ITGAL: variants seen among roughly 807,000 people sequenced by gnomAD.
The protein encoded by ITGAL is integrin subunit alpha L, also known as integrin alpha-L.
Under a neutral mutation model 138.4 loss-of-function variants are expected in ITGAL, and 68 were observed. The observed-to-expected ratio is 0.49, with a 90% CI of 0.40 to 0.60. The LOEUF (loss-of-function observed/expected upper bound fraction) is 0.60. Among genes scored for constraint, ITGAL ranks in the 20% least tolerant of loss-of-function variants. The pLI is 0.00. For missense variants in ITGAL, 1,256 were observed against 1,478.6 expected, an observed-to-expected ratio of 0.85 and a Z score of 2.47; for synonymous variants, 561 against 584.3, an observed-to-expected ratio of 0.96 and a Z score of 0.57.
chr16:30,488,208 A>G (rs879061351), intron 9 of ITGAL, among the ~76,000 whole-genome samples: 2 of 151,328 alleles, frequency 1.3e-5, no homozygotes, highest in East Asian at 3.9e-4. Context: ...AAAAAAAAAA[A>G]GAAAAAGGGT....
chr16:30,518,226 T>A (rs1019335330), intron 28 of ITGAL, among the ~76,000 whole-genome samples: 1 of 151,906 alleles, frequency 6.6e-6, no homozygotes, highest in Non-Finnish European at 1.5e-5. Context: ...GGTGGGTGGA[T>A]CACTTGAGGT....
Position 30,481,484 on chromosome 16 carries a change from T to G in ITGAL, c.622T>G (p.Phe208Val). The G allele has an allele frequency of 2.5e-6, 4 of 1,612,558 alleles. No individual in the cohort carries two copies. Among genetic ancestry groups the G allele is most frequent in the Non-Finnish European group, 3.4e-6 (4 of 1,178,930 alleles). The change falls in exon 7 of 31, where the codon TTC (phenylalanine) becomes GTC (valine). Residue 208 changes from phenylalanine to valine, a missense_variant. Around this residue, in one of 3 missense-constraint regions of ITGAL, gnomAD observed 177 missense variants for 288.8 expected, o/e 0.61. Coordinates refer to ENST00000356798, the MANE Select transcript of ITGAL (RefSeq NM_002209.3). ...FSTSYKTEFD[F>V]SDYVKRKDPD... ...CACAAGCTACAAAACAGAATTTGAT[T>G]TCTCAGATTATGTTAAACGGAAGGA...
chr16:30,488,562 G>A (rs948120656), intron 9 of ITGAL, among the ~76,000 whole-genome samples: 1 of 151,772 alleles, frequency 6.6e-6, no homozygotes, highest in African/African-American at 2.4e-5. Context: ...AAAATTAGCT[G>A]GGCATGGTGG....
intron 9 of ITGAL, among the ~76,000 whole-genome samples, chr16:30,485,610 G>A (rs1013616174): frequency 6.6e-6 from 1 of 151,540 alleles, no homozygotes; most frequent in African/African-American, 2.4e-5. Flanking sequence ...CTGCAGCCTT[G>A]ACCTTCCAGG....
chr16:30,518,557 G>C (rs770857047), intron 28 of ITGAL, 67 bp from the exon 29 acceptor site: 22 of 1,084,210 alleles, frequency 2.0e-5, no homozygotes, highest in African/African-American at 3.1e-5. Context: ...GTGTTGTGGT[G>C]GGGGCAAAAG....
At chr16:30,502,742 C>A (rs1244527900) in intron 17 of ITGAL, among the ~76,000 whole-genome samples, 4 of 149,664 alleles carry the variant, frequency 2.7e-5, no homozygotes, top group African/African-American at 9.9e-5. Context: ...TAGTGAAACT[C>A]CATCTCAAAA....
chr16:30,506,599 G>C, intron 20 of ITGAL, 116 bp from the exon 21 acceptor site: 2 of 313,158 alleles, frequency 6.4e-6, no homozygotes, highest in South Asian at 2.8e-5. Flanking sequence ...AAAAAAGACT[G>C]AGCATAAAAG....
chr16:30,519,027 C>T (rs2051213076), intron 29 of ITGAL, among the ~76,000 whole-genome samples: 2 of 152,104 alleles, frequency 1.3e-5, no homozygotes, highest in Non-Finnish European at 2.9e-5. Flanking sequence ...AGTTCAAGAC[C>T]AGCCTGGCCA....
chr16:30,479,497 A>G (rs2050522871), intron 6 of ITGAL, 36 bp downstream of exon 6: 2 of 1,598,530 alleles, frequency 1.3e-6, no homozygotes, highest in Non-Finnish European at 1.7e-6. Flanking sequence ...GTTGCATGCA[A>G]TAGATGCCTA....
At chr16:30,515,166 A>C (rs2151205523) in intron 25 of ITGAL, among the ~76,000 whole-genome samples, 1 of 152,200 alleles carries the variant, frequency 6.6e-6, no homozygotes, top group Non-Finnish European at 1.5e-5. Context: ...GTCTTCCCCT[A>C]AGCCAGCATC....
intron 2 of ITGAL, 167 bp from the exon 3 acceptor site, chr16:30,475,139 G>A (rs533806675): frequency 2.4e-4 from 137 of 575,166 alleles, no homozygotes; most frequent in Middle Eastern, 5.0e-4. Flanking sequence ...GGCCTCATGC[G>A]AAAGTTACAG....
intron 25 of ITGAL, among the ~76,000 whole-genome samples, chr16:30,515,101 A>G (rs1244637268): frequency 1.3e-5 from 2 of 152,154 alleles, no homozygotes; most frequent in Admixed American, 6.5e-5. Context: ...CTGAGATTAC[A>G]GGCGTGAGCC....
chr16:30,475,206 C>T, intron 2 of ITGAL, 100 bp from the exon 3 acceptor site: 1 of 880,358 alleles, frequency 1.1e-6, no homozygotes, highest in Non-Finnish European at 1.8e-6. Context: ...GGCTGCAGTG[C>T]TTGGAGAAAT....
chr16:30,481,550 T>C lies in ITGAL; in HGVS notation c.688T>C (p.Leu230=). The change falls in exon 7 of 31, where the codon TTG becomes CTG. Residue 230 remains leucine (L), a synonymous_variant. Coordinates refer to ENST00000356798, the MANE Select transcript of ITGAL (RefSeq NM_002209.3). ...GAAGCATGTAAAGCACATGTTGCTG[T>C]TGACCAATACCTTTGGTGCCATCAA... ...LLKHVKHMLL[L]TNTFGAINYV... is the part of the protein sequence containing the mutation. The C allele has an allele frequency of 6.2e-7, 1 of 1,613,792 alleles. No homozygotes were observed. Among genetic ancestry groups the C allele is most frequent in the Non-Finnish European group, 8.5e-7 (1 of 1,179,898 alleles).
At chr16:30,499,739 T>A (rs1383114660) in intron 17 of ITGAL, among the ~76,000 whole-genome samples, 16 of 42,530 alleles carry the variant, frequency 3.8e-4, no homozygotes, top group Non-Finnish European at 5.7e-4. Flanking sequence ...ATATATTTTT[T>A]TTTTTTTGAC....
rs2051079217 is a variant in ITGAL at position 30,510,874 on chromosome 16, C to T, written c.2620-7C>T. The T allele has an allele frequency of 1.2e-6, 2 of 1,613,408 alleles. No individual in the cohort carries two copies. Among genetic ancestry groups the T allele is most frequent in the South Asian group, 1.1e-5 (1 of 91,076 alleles). ...TCCATTTCCATTGCCCTCTCCTTTC[C>T]TGCCAGGTTGCTCTGCAGATGATGT... On this transcript the variant is annotated splice_polypyrimidine_tract_variant and splice_region_variant and intron_variant, in intron 22 of 30. Coordinates refer to ENST00000356798, the MANE Select transcript of ITGAL (RefSeq NM_002209.3).
intron 20 of ITGAL, 77 bp downstream of exon 20, chr16:30,505,539 A>C: frequency 3.6e-5 from 39 of 1,073,710 alleles, no homozygotes; most frequent in South Asian, 7.6e-5. Context: ...CAGATATGTC[A>C]TTTGCAGACA....
intron 21 of ITGAL, among the ~76,000 whole-genome samples, chr16:30,507,067 A>T (rs1464299997): frequency 6.6e-6 from 1 of 152,208 alleles, no homozygotes; most frequent in East Asian, 1.9e-4. Context: ...TCACAACTGT[A>T]ATCCCAACAC....
intron 6 of ITGAL, among the ~76,000 whole-genome samples, chr16:30,480,302 G>C (rs2050534881): frequency 6.6e-6 from 1 of 152,152 alleles, no homozygotes. Flanking sequence ...CCGTAGACTG[G>C]CTCCCTTAGC....
Sources: allele counts gnomAD v4.1 joint callset (sites outside exome capture counted in the v4.1 genomes callset), GRCh38; gene constraint gnomAD v4.1.1; regional missense constraint gnomAD v4.1.1; transcripts MANE v1.5; gene names NCBI Gene and HGNC (gene_info 2026-07-23, HGNC 2026-07-21).